The following DSCAM variants were observed in gnomAD, a reference collection of about 807,000 sequenced individuals.
DSCAM encodes DS cell adhesion molecule.
Under a neutral mutation model 217.7 loss-of-function variants are expected in DSCAM, and 47 were observed. The ratio of observed to expected loss-of-function variants is 0.22; its 90% CI spans 0.17 to 0.28. DSCAM has a LOEUF of 0.28. Ranked by LOEUF, DSCAM falls within the 10% of genes least tolerant of loss-of-function variation. DSCAM has a pLI of 1.00. For synonymous variants in DSCAM, 1,056 were observed against 1,015.3 expected (o/e 1.04, Z -0.76); for missense variants, 2,080 against 2,618.3 (o/e 0.79, Z 4.49).
intron 1 of DSCAM, among the ~76,000 whole-genome samples, chr21:40,729,920 A>T (rs2090995228): frequency 2.6e-5 from 4 of 152,202 alleles, no homozygotes; most frequent in Admixed American, 2.6e-4. Context: ...TGCCTATCAC[A>T]CTAGAATGAA....
At chr21:40,227,296 G>A (rs538124752) in intron 11 of DSCAM, among the ~76,000 whole-genome samples, 1 of 152,254 alleles carries the variant, frequency 6.6e-6, no homozygotes, top group South Asian at 2.1e-4. Context: ...CAGAAGACAG[G>A]TGCATCCTGT....
chr21:40,032,127 C>A (rs2088537566), intron 32 of DSCAM, among the ~76,000 whole-genome samples: 1 of 152,164 alleles, frequency 6.6e-6, no homozygotes, highest in African/African-American at 2.4e-5. Flanking sequence ...AGCTTCATGG[C>A]AGAACAAGGC....
At chr21:40,215,629 T>C (rs1470044403) in intron 11 of DSCAM, among the ~76,000 whole-genome samples, 1 of 151,962 alleles carries the variant, frequency 6.6e-6, no homozygotes, top group African/African-American at 2.4e-5. Flanking sequence ...TTCAGAGTGG[T>C]GTAATGGACA....
At chr21:40,152,126 A>G (rs1478387093) in intron 16 of DSCAM, among the ~76,000 whole-genome samples, 1 of 57,278 alleles carries the variant, frequency 1.7e-5, no homozygotes, top group African/African-American at 3.1e-5. Context: ...GAAAAAAAAA[A>G]ACACAAAAAA....
chr21:40,706,007 C>T (rs1796177464), intron 2 of DSCAM, among the ~76,000 whole-genome samples: 1 of 151,900 alleles, frequency 6.6e-6, no homozygotes, highest in Non-Finnish European at 1.5e-5. Context: ...GGTGAAACCC[C>T]ATCTCTACTG....
At chr21:40,800,537 C>CAGAT in intron 1 of DSCAM, among the ~76,000 whole-genome samples, 1 of 152,184 alleles carries the variant, frequency 6.6e-6, no homozygotes, top group South Asian at 2.1e-4. Flanking sequence ...GATGAGATCT[C>CAGAT]AGATAGAACT....
intron 9 of DSCAM, among the ~76,000 whole-genome samples, 156 bp from the exon 10 acceptor site, chr21:40,296,330 A>C (rs979076046): frequency 5.9e-5 from 9 of 152,250 alleles, no homozygotes. Flanking sequence ...TTTGGGACAA[A>C]TTAAGGGAGT....
intron 11 of DSCAM, among the ~76,000 whole-genome samples, chr21:40,198,264 C>T (rs1342018963): frequency 2.0e-5 from 3 of 152,092 alleles, no homozygotes; most frequent in Non-Finnish European, 4.4e-5. Context: ...TTTTTCCTTC[C>T]TTCTGTGGTC....
At chr21:40,788,802 A>C (rs952913222) in intron 1 of DSCAM, among the ~76,000 whole-genome samples, 5 of 152,228 alleles carry the variant, frequency 3.3e-5, no homozygotes, top group Admixed American at 1.3e-4. Context: ...GCCACAATGC[A>C]ACTTCTAACT....
chr21:40,062,945 A>G (rs1406363676), intron 27 of DSCAM, 46 bp from the exon 28 acceptor site: 1 of 1,534,100 alleles, frequency 6.5e-7, no homozygotes. Flanking sequence ...TAACTCATTA[A>G]CATTCACTTA....
chr21:40,683,671 G>C (rs969658760), intron 3 of DSCAM, among the ~76,000 whole-genome samples: 65 of 152,070 alleles, frequency 4.3e-4, no homozygotes, highest in Non-Finnish European at 5.9e-4. Flanking sequence ...GGGAGGCTAA[G>C]CTGGAAGGAA....
chr21:40,197,107 T>C (rs1260684952), intron 11 of DSCAM, among the ~76,000 whole-genome samples: 1 of 147,066 alleles, frequency 6.8e-6, no homozygotes, highest in Non-Finnish European at 1.5e-5. Flanking sequence ...TTCTCCTTAA[T>C]TTCTTTCTTT....
At chr21:40,178,208 T>C (rs1302830088) in intron 15 of DSCAM, among the ~76,000 whole-genome samples, 1 of 152,032 alleles carries the variant, frequency 6.6e-6, no homozygotes, top group East Asian at 1.9e-4. Flanking sequence ...CCCGGAAACA[T>C]GAGTGGCTCG....
At chr21:40,420,223 T>A (rs2075410166) in intron 3 of DSCAM, among the ~76,000 whole-genome samples, 1 of 105,664 alleles carries the variant, frequency 9.5e-6, no homozygotes, top group Non-Finnish European at 2.0e-5. Context: ...ACAATGCCAA[T>A]TTTCATTTTT....
At chr21:40,780,443 A>ATATC in intron 1 of DSCAM, among the ~76,000 whole-genome samples, 2 of 143,548 alleles carry the variant, frequency 1.4e-5, no homozygotes, top group South Asian at 4.5e-4. Context: ...ATATATATAT[A>ATATC]TATATCTCCT....
At chr21:40,090,657 A>G (rs921279571) in intron 21 of DSCAM, among the ~76,000 whole-genome samples, 1 of 150,630 alleles carries the variant, frequency 6.6e-6, no homozygotes, top group Non-Finnish European at 1.5e-5. Context: ...GCCTGCTCCC[A>G]CTCCCTTTGA....
intron 3 of DSCAM, among the ~76,000 whole-genome samples, chr21:40,683,243 A>T (rs1336733257): frequency 1.3e-5 from 2 of 152,218 alleles, no homozygotes; most frequent in Non-Finnish European, 2.9e-5. Flanking sequence ...TCTAACAGGG[A>T]GGTCAGAGAG....
chr21:40,218,278 G>A (rs2091261333), intron 11 of DSCAM, among the ~76,000 whole-genome samples: 1 of 152,036 alleles, frequency 6.6e-6, no homozygotes, highest in African/African-American at 2.4e-5. Context: ...GTTTTTGTCA[G>A]CTTTATCAAT....
chr21:40,359,033 T>C (rs1460357919), intron 4 of DSCAM, among the ~76,000 whole-genome samples: 4 of 152,096 alleles, frequency 2.6e-5, no homozygotes, highest in Non-Finnish European at 5.9e-5. Flanking sequence ...AAAAAGATGC[T>C]CAATATTACT....
Sources: allele counts gnomAD v4.1 joint callset (sites outside exome capture counted in the v4.1 genomes callset), GRCh38; gene constraint gnomAD v4.1.1; transcripts MANE v1.5; gene names NCBI Gene and HGNC (gene_info 2026-07-23, HGNC 2026-07-21).